CSMD1: variants seen among roughly 807,000 people sequenced by gnomAD.
CSMD1 encodes the protein CUB and sushi domain-containing protein 1.
In CSMD1, 213 loss-of-function variants were observed where a neutral mutation model predicts 417.5. The ratio of observed to expected loss-of-function variants is 0.51; its 90% confidence interval spans 0.46 to 0.57. The LOEUF is 0.57. CSMD1 is among the 20% of genes least tolerant of loss of function. The pLI is 0.00. For synonymous variants in CSMD1, 2,862 were observed against 1,736.8 expected (o/e 1.65, Z -16.11); for missense variants, 6,923 against 4,529.7 (o/e 1.53, Z -15.17).
At position 4,145,060 on chromosome 8, in the gene CSMD1, C is replaced by G. The variant is rs114759612; in HGVS notation, c.416-112961G>C. ...GCTTTTAAAATATTTTTAAATGTTT[C>G]TAAAATACAAAGATTTAAGGATGTT... On this transcript the variant is annotated intron_variant, in intron 3 of 69. Transcript: ENST00000635120. 9.2e-3 allele frequency among the ~76,000 whole-genome samples: 1,393 copies of G among 150,954 alleles called. 97 individuals carry two copies. The highest frequency in any genetic ancestry group is 0.024 in the African/African-American group (963 of 40,428).
chr8:4,590,272 T>A (rs1026216637), intron 2 of CSMD1, among the ~76,000 whole-genome samples: 1 of 152,036 alleles, frequency 6.6e-6, no homozygotes, highest in Non-Finnish European at 1.5e-5. Context: ...ATGGTGACCA[T>A]GGGGACAGAA....
intron 11 of CSMD1, among the ~76,000 whole-genome samples, chr8:3,472,587 C>CATAT (rs57031145): frequency 1.0e-3 from 151 of 151,574 alleles, no homozygotes; most frequent in East Asian, 4.3e-3. Context: ...TTTATACTGA[C>CATAT]ATATATATAT....
intron 50 of CSMD1, among the ~76,000 whole-genome samples, chr8:3,040,472 A>G (rs139315952): frequency 1.4e-5 from 2 of 147,390 alleles, no homozygotes; most frequent in South Asian, 4.2e-4. Flanking sequence ...ATCTATCTAT[A>G]TATATAAACA....
chr8:3,063,723 C>T (rs1812741213), intron 49 of CSMD1, among the ~76,000 whole-genome samples: 1 of 152,066 alleles, frequency 6.6e-6, no homozygotes, highest in Non-Finnish European at 1.5e-5. Flanking sequence ...GAAGTGAAGC[C>T]ATAAAAAGAC....
chr8:4,938,576 G>A (rs1807774785), intron 1 of CSMD1, among the ~76,000 whole-genome samples: 1 of 152,200 alleles, frequency 6.6e-6, no homozygotes, highest in Non-Finnish European at 1.5e-5. Context: ...ACAGTTGTCA[G>A]TCTTATCGGG....
At chr8:4,680,914 C>G (rs995335260) in intron 1 of CSMD1, among the ~76,000 whole-genome samples, 2 of 151,458 alleles carry the variant, frequency 1.3e-5, no homozygotes, top group African/African-American at 4.9e-5. Context: ...GATAAGCACA[C>G]ACACACACAC....
intron 6 of CSMD1, among the ~76,000 whole-genome samples, chr8:3,741,907 G>A (rs950764501): frequency 7.9e-5 from 12 of 151,696 alleles, no homozygotes; most frequent in Admixed American, 7.9e-4. Flanking sequence ...TCATATTCTG[G>A]CCCAAACCTA....
At chr8:4,776,429 C>T (rs748165788) in intron 1 of CSMD1, among the ~76,000 whole-genome samples, 4 of 152,106 alleles carry the variant, frequency 2.6e-5, no homozygotes, top group East Asian at 1.9e-4. Flanking sequence ...GAGAATTCTT[C>T]GGATCCTCAT....
intron 9 of CSMD1, among the ~76,000 whole-genome samples, chr8:3,582,065 G>A (rs1446780711): frequency 2.0e-5 from 3 of 152,140 alleles, no homozygotes; most frequent in Non-Finnish European, 4.4e-5. Context: ...AAAGGGCTGG[G>A]ATTACAGGCG....
At chr8:4,835,459 G>C (rs1176889428) in intron 1 of CSMD1, among the ~76,000 whole-genome samples, 1 of 152,164 alleles carries the variant, frequency 6.6e-6, no homozygotes, top group African/African-American at 2.4e-5. Flanking sequence ...GAACTAAAGG[G>C]AGAGACAGTG....
chr8:4,679,935 G>A (rs1357210327), intron 1 of CSMD1, among the ~76,000 whole-genome samples: 3 of 152,066 alleles, frequency 2.0e-5, no homozygotes, highest in Non-Finnish European at 2.9e-5. Context: ...TTAATTGCAA[G>A]TTTTTATTAA....
chr8:4,769,015 T>G (rs1796471215), intron 1 of CSMD1, among the ~76,000 whole-genome samples: 1 of 152,166 alleles, frequency 6.6e-6, no homozygotes, highest in Admixed American at 6.5e-5. Flanking sequence ...TATACCTGAC[T>G]GTAAGGTACT....
chr8:3,271,067 G>A (rs759112408), intron 26 of CSMD1, among the ~76,000 whole-genome samples: 240 of 146,228 alleles, frequency 1.6e-3, no homozygotes, highest in Middle Eastern at 6.9e-3. Context: ...TCCCAATGCT[G>A]TCCTTCCCCC....
At chr8:3,452,246 A>G (rs568023225) in intron 12 of CSMD1, among the ~76,000 whole-genome samples, 3 of 152,332 alleles carry the variant, frequency 2.0e-5, no homozygotes, top group East Asian at 1.9e-4. Context: ...TAAATATACA[A>G]TCATGTCATC....
chr8:4,296,573 T>TA (rs1260151641), intron 3 of CSMD1, among the ~76,000 whole-genome samples: 1 of 151,398 alleles, frequency 6.6e-6, no homozygotes, highest in East Asian at 2.0e-4. Flanking sequence ...GATGTATTTC[T>TA]ACATGCAAAA....
intron 3 of CSMD1, among the ~76,000 whole-genome samples, chr8:4,179,381 A>G (rs1584967884): frequency 6.6e-6 from 1 of 152,218 alleles, no homozygotes; most frequent in Non-Finnish European, 1.5e-5. Context: ...CCATATGTAG[A>G]AAGCTGAAGC....
chr8:3,798,328 C>G (rs1295464120), intron 5 of CSMD1, among the ~76,000 whole-genome samples: 1 of 151,964 alleles, frequency 6.6e-6, no homozygotes, highest in Non-Finnish European at 1.5e-5. Context: ...TAAGACAACT[C>G]AGTATATCTG....
chr8:3,759,121 A>G (rs781392948), intron 5 of CSMD1, among the ~76,000 whole-genome samples: 2 of 152,210 alleles, frequency 1.3e-5, no homozygotes, highest in Non-Finnish European at 2.9e-5. Flanking sequence ...CATAATAAAC[A>G]CGTGTTGGTT....
At chr8:4,923,040 C>T (rs971546860) in intron 1 of CSMD1, among the ~76,000 whole-genome samples, 6 of 152,104 alleles carry the variant, frequency 3.9e-5, no homozygotes, top group Non-Finnish European at 8.8e-5. Flanking sequence ...ACTACTCAGG[C>T]ATAACTCCAA....
Sources: gnomAD v4.1 joint callset for allele counts (sites outside exome capture counted in the v4.1 genomes callset) on GRCh38, gnomAD v4.1.1 for gene constraint, MANE v1.5 for transcripts, NCBI Gene and HGNC (gene_info 2026-07-23, HGNC 2026-07-21) for gene names.